PDZRN4: variants seen among roughly 807,000 people sequenced by gnomAD.
PDZRN4 encodes PDZ domain-containing RING finger protein 4.
PDZRN4 carries 70 observed loss-of-function variants against 99.0 expected under a neutral mutation model. The ratio of observed to expected loss-of-function variants is 0.71; its 90% CI spans 0.58 to 0.86. The LOEUF (loss-of-function observed/expected upper bound fraction) is 0.86. PDZRN4 is among the 40% of genes least tolerant of loss of function. The pLI is 0.00. For synonymous variants in PDZRN4, 551 were observed against 501.6 expected (o/e 1.10, Z -1.32); for missense variants, 1,474 against 1,331.2 (o/e 1.11, Z -1.67).
At chr12:41,342,834 T>A (rs1445847803) in intron 3 of PDZRN4, among the ~76,000 whole-genome samples, 1 of 151,930 alleles carries the variant, frequency 6.6e-6, no homozygotes, top group Non-Finnish European at 1.5e-5. Flanking sequence ...AACTACCATA[T>A]GCTCCAGCAA....
intron 3 of PDZRN4, 100 bp from the exon 4 acceptor site, chr12:41,506,356 C>G: frequency 9.4e-7 from 1 of 1,068,830 alleles, no homozygotes; most frequent in Middle Eastern, 2.5e-4. Context: ...AAATTCATAT[C>G]AGGGCTGGTT....
In PDZRN4 at chr12:41,572,367, A is replaced by T; in HGVS notation, c.1588A>T (p.Lys530Ter). ...TCTTTCAACATCATTTTCTTAGCCA[A>T]AAAAGCAAGAAGAAGAAGAAGGCAC... ...QPTANEVEQPKKQEEEEGTTD... is the reference protein window; with the variant it reads ...QPTANEVEQP The change falls in exon 10 of 10, where the codon AAA (lysine) becomes TAA (stop). Residue 530 changes from lysine to a stop codon, truncating the protein, a stop_gained. Transcript: ENST00000402685. LOFTEE classifies it low-confidence loss of function (END_TRUNC). 1 of 1,591,764 alleles carries T rather than the reference A, an allele frequency of 6.3e-7. No individual in the cohort carries two copies. Among genetic ancestry groups the T allele is most frequent in the Non-Finnish European group, 8.6e-7 (1 of 1,167,092 alleles).
chr12:41,216,650 A>G (rs991213332), intron 3 of PDZRN4, among the ~76,000 whole-genome samples: 1 of 152,058 alleles, frequency 6.6e-6, no homozygotes, highest in African/African-American at 2.4e-5. Context: ...GGATTATTTT[A>G]TAGTAGGCAA....
Position 41,351,288 on chromosome 12 carries a change from TTAGGTAG to T in PDZRN4, c.844-155164_844-155158del, listed in dbSNP as rs1050596117. Among the ~76,000 whole-genome samples the T allele has an allele frequency of 5.3e-5, 8 of 152,062 alleles. No individual in the cohort carries two copies. The East Asian group carries it at 1.5e-3, about 29-fold the overall frequency. On this transcript the variant is annotated intron_variant, in intron 3 of 9. Transcript: ENST00000402685. ...CAAAACCAAGGAGGAGTACTCTTTA[TTAGGTAG>T]TAGTATGGTGTTGTAGGTAAAACAG...
chr12:41,456,345 G>GGT (rs1555144004), intron 3 of PDZRN4, among the ~76,000 whole-genome samples: 1 of 151,432 alleles, frequency 6.6e-6, no homozygotes, highest in East Asian at 1.9e-4. Flanking sequence ...AGAATGAATG[G>GGT]TTGTTTATTC....
At chr12:41,309,392 G>A (rs1175284310) in intron 3 of PDZRN4, among the ~76,000 whole-genome samples, 1 of 152,068 alleles carries the variant, frequency 6.6e-6, no homozygotes, top group Non-Finnish European at 1.5e-5. Context: ...AAGAAAAAGA[G>A]ACAGAGAGAA....
At chr12:41,250,332 G>A (rs1440797432) in intron 3 of PDZRN4, among the ~76,000 whole-genome samples, 1 of 152,080 alleles carries the variant, frequency 6.6e-6, no homozygotes, top group Non-Finnish European at 1.5e-5. Flanking sequence ...TTTCAAGAAA[G>A]GTAAGAGTAC....
chr12:41,301,683 CT>C (rs965929419), intron 3 of PDZRN4, among the ~76,000 whole-genome samples: 12 of 151,548 alleles, frequency 7.9e-5, no homozygotes, highest in South Asian at 2.1e-4. Context: ...TTCCAAACAA[CT>C]TTTTTTTTCC....
At chr12:41,536,570 C>T (rs285560) in intron 5 of PDZRN4, among the ~76,000 whole-genome samples, 81,218 of 151,748 alleles carry the variant, frequency 0.54, 22,429 homozygotes, top group African/African-American at 0.69. Flanking sequence ...TAATATCAAC[C>T]ATGGACTTTG....
At chr12:41,558,534 G>C (rs755742152) in intron 7 of PDZRN4, among the ~76,000 whole-genome samples, 1 of 152,134 alleles carries the variant, frequency 6.6e-6, no homozygotes, top group Non-Finnish European at 1.5e-5. Flanking sequence ...TAGTTGGATG[G>C]AAATAAAGTG....
At chr12:41,244,997 C>T (rs1280794761) in intron 3 of PDZRN4, among the ~76,000 whole-genome samples, 1 of 152,120 alleles carries the variant, frequency 6.6e-6, no homozygotes, top group Non-Finnish European at 1.5e-5. Flanking sequence ...GCCCACACCA[C>T]TGTCTTGACA....
Position 41,567,793 on chromosome 12 carries a change from G to T in PDZRN4, c.1478G>T (p.Gly493Val). Residue 493 changes from glycine to valine, a missense_variant, in exon 9 of 10, where the codon GGC becomes GTC. Coordinates refer to ENST00000402685, the MANE Select transcript of PDZRN4 (RefSeq NM_001164595.2). The part of the protein sequence containing the change: ...VARPEIQLDE[G>V]WLEDERNEFL... ...TGTATTCTTTTGCAGCTGGATGAAGGCTGGCTGGAAGATGAAAGGAATGAA... is the reference window on the plus strand; with the variant it reads ...TGTATTCTTTTGCAGCTGGATGAAGTCTGGCTGGAAGATGAAAGGAATGAA... The T allele has an allele frequency of 6.2e-7, 1 of 1,609,738 alleles. No homozygotes were observed. Among genetic ancestry groups the T allele is most frequent in the Non-Finnish European group, 8.5e-7 (1 of 1,176,622 alleles).
At chr12:41,269,527 C>A (rs556309375) in intron 3 of PDZRN4, among the ~76,000 whole-genome samples, 61 of 152,246 alleles carry the variant, frequency 4.0e-4, no homozygotes, top group Admixed American at 3.4e-3. Context: ...CACTTCTGAT[C>A]TAAACTAAAT....
intron 3 of PDZRN4, among the ~76,000 whole-genome samples, chr12:41,363,431 T>TA (rs1208506921): frequency 2.0e-5 from 3 of 152,130 alleles, no homozygotes; most frequent in African/African-American, 7.2e-5. Flanking sequence ...ATTGTGATTG[T>TA]AAAATCAAGA....
chr12:41,402,841 C>T (rs924056336), intron 3 of PDZRN4, among the ~76,000 whole-genome samples: 4 of 151,550 alleles, frequency 2.6e-5, no homozygotes, highest in South Asian at 2.1e-4. Flanking sequence ...GCAGCGTCAG[C>T]GTCTTATGTC....
chr12:41,489,987 A>T (rs534238343), intron 3 of PDZRN4, among the ~76,000 whole-genome samples: 3 of 151,846 alleles, frequency 2.0e-5, no homozygotes, highest in African/African-American at 7.3e-5. Context: ...CTGTACAGTG[A>T]TTAATTAACT....
chr12:41,213,242 T>C (rs1444182644), intron 3 of PDZRN4, among the ~76,000 whole-genome samples: 2 of 151,960 alleles, frequency 1.3e-5, no homozygotes, highest in African/African-American at 4.8e-5. Context: ...ACGTTGCAAG[T>C]GGATTTGAGG....
At position 41,271,830 on chromosome 12, in the gene PDZRN4, A is replaced by G. The variant is rs529542995; in HGVS notation, c.843+77642A>G. On this transcript the variant is annotated intron_variant, in intron 3 of 9. Transcript: ENST00000402685. ...TTCTATTACAATTGCATTGAAAACA[A>G]ATACACTCCCCTCAGAGGACTTTGT... Among the ~76,000 whole-genome samples the G allele has an allele frequency of 7.7e-4, 117 of 152,222 alleles. 1 individual carries two copies. Among genetic ancestry groups the G allele is most frequent in the African/African-American group, 2.6e-3 (110 of 41,560 alleles).
chr12:41,300,549 T>A (rs1269609824), intron 3 of PDZRN4, among the ~76,000 whole-genome samples: 1 of 152,004 alleles, frequency 6.6e-6, no homozygotes, highest in African/African-American at 2.4e-5. Context: ...TCATAATATG[T>A]AGGTTTTATT....
Sources: gnomAD v4.1 joint callset for allele counts (sites outside exome capture counted in the v4.1 genomes callset) on GRCh38, gnomAD v4.1.1 for gene constraint, MANE v1.5 for transcripts, NCBI Gene and HGNC (gene_info 2026-07-23, HGNC 2026-07-21) for gene names.